The following KCNH1 variants were observed in gnomAD, a reference collection of about 807,000 sequenced individuals.
The protein encoded by KCNH1 is voltage-gated delayed rectifier potassium channel KCNH1.
In KCNH1, 27 loss-of-function variants were observed where a neutral mutation model predicts 69.2. The observed-to-expected ratio is 0.39, with a 90% CI of 0.29 to 0.54. The LOEUF is 0.54. KCNH1 is among the 20% of genes least tolerant of loss of function. KCNH1 has a pLI of 0.68. For synonymous variants in KCNH1, 456 were observed against 487.7 expected (o/e 0.93, Z 0.86); for missense variants, 798 against 1,261.6 (o/e 0.63, Z 5.57).
intron 10 of KCNH1, among the ~76,000 whole-genome samples, chr1:210,755,255 T>C (rs1020557412): frequency 4.7e-4 from 72 of 152,310 alleles, no homozygotes; most frequent in East Asian, 1.9e-4. Context: ...CTGCTTAAAA[T>C]GATTACTTAT....
chr1:211,089,023 G>A lies in KCNH1; in HGVS notation c.439+1539C>T, dbSNP rs549953011. 3.3e-5 allele frequency among the ~76,000 whole-genome samples: 5 copies of A among 152,216 alleles called. No homozygotes were observed. In the South Asian group the frequency reaches 1.0e-3, roughly 32 times the overall value. On this transcript the variant is annotated intron_variant, in intron 4 of 10. Coordinates refer to ENST00000271751, the MANE Select transcript of KCNH1 (RefSeq NM_172362.3). Reference sequence around the variant, plus strand: ...ATGCCAGGTACGGAGCATTCTGTTAGGTATGATTTTCCTACTAAATAATAC... The same window carrying A: ...ATGCCAGGTACGGAGCATTCTGTTAAGTATGATTTTCCTACTAAATAATAC...
chr1:210,836,387 A>G (rs1331540863), intron 7 of KCNH1, among the ~76,000 whole-genome samples: 2 of 152,194 alleles, frequency 1.3e-5, no homozygotes, highest in Non-Finnish European at 2.9e-5. Context: ...GAAAGTAATC[A>G]TTAAGCCTGC....
At chr1:211,045,851 G>A (rs531369696) in intron 5 of KCNH1, among the ~76,000 whole-genome samples, 1 of 152,080 alleles carries the variant, frequency 6.6e-6, no homozygotes, top group Admixed American at 6.6e-5. Context: ...TGCCCTCCCC[G>A]CAGTCCCTGG....
At chr1:210,968,914 T>C (rs1253121052) in intron 6 of KCNH1, among the ~76,000 whole-genome samples, 1 of 152,156 alleles carries the variant, frequency 6.6e-6, no homozygotes, top group Non-Finnish European at 1.5e-5. Context: ...TTTCAGAAGA[T>C]TTTTAGTAGA....
chr1:211,003,264 G>A (rs1689222598), intron 6 of KCNH1, among the ~76,000 whole-genome samples: 1 of 152,148 alleles, frequency 6.6e-6, no homozygotes, highest in South Asian at 2.1e-4. Context: ...CACCAATGAG[G>A]AGAACTAAAA....
chr1:210,877,176 T>C (rs1344267922), intron 7 of KCNH1, among the ~76,000 whole-genome samples: 1 of 152,148 alleles, frequency 6.6e-6, no homozygotes, highest in African/African-American at 2.4e-5. Flanking sequence ...GGAAAACTAC[T>C]TTCTAGAAAT....
At chr1:210,858,362 T>A (rs1558499881) in intron 7 of KCNH1, 1 of 152,218 alleles carries the variant, frequency 6.6e-6, no homozygotes, top group Non-Finnish European at 1.5e-5. Flanking sequence ...TAACCCATTT[T>A]TACATACTGA....
intron 5 of KCNH1, among the ~76,000 whole-genome samples, chr1:211,066,655 A>G (rs1026305641): frequency 1.3e-5 from 2 of 152,196 alleles, no homozygotes; most frequent in Non-Finnish European, 2.9e-5. Flanking sequence ...CTATGAGTAC[A>G]TATTATCCTC....
chr1:210,767,368 T>A (rs957551384), intron 10 of KCNH1, among the ~76,000 whole-genome samples: 1 of 152,206 alleles, frequency 6.6e-6, no homozygotes, highest in African/African-American at 2.4e-5. Context: ...CAGTAATCTC[T>A]GTTTGGGATT....
At chr1:210,746,236 TG>T (rs528878508) in intron 10 of KCNH1, among the ~76,000 whole-genome samples, 164 of 152,324 alleles carry the variant, frequency 1.1e-3, no homozygotes, top group South Asian at 6.6e-3. Context: ...AGGCCCCAGA[TG>T]CACTTTATAC....
chr1:211,105,114 A>T (rs1468318328), intron 2 of KCNH1, among the ~76,000 whole-genome samples: 1 of 152,042 alleles, frequency 6.6e-6, no homozygotes, highest in Non-Finnish European at 1.5e-5. Context: ...GTCCTTACGC[A>T]CTCATGTAGT....
intron 5 of KCNH1, among the ~76,000 whole-genome samples, chr1:211,046,314 C>A (rs1424678558): frequency 1.3e-5 from 2 of 152,104 alleles, no homozygotes; most frequent in African/African-American, 4.8e-5. Flanking sequence ...ATGTTATGTT[C>A]TAGGTTCATA....
chr1:211,072,041 G>A (rs760302138), intron 5 of KCNH1, among the ~76,000 whole-genome samples: 84 of 152,156 alleles, frequency 5.5e-4, no homozygotes, highest in Non-Finnish European at 1.0e-3. Context: ...TTTGGGAGGC[G>A]GAGGTGGGAG....
At chr1:211,071,920 G>A (rs1690651312) in intron 5 of KCNH1, among the ~76,000 whole-genome samples, 1 of 152,084 alleles carries the variant, frequency 6.6e-6, no homozygotes, top group African/African-American at 2.4e-5. Context: ...TATTTAAAGA[G>A]TTGGGAGGAA....
At chr1:210,988,210 T>A (rs1209087431) in intron 6 of KCNH1, among the ~76,000 whole-genome samples, 3 of 152,162 alleles carry the variant, frequency 2.0e-5, no homozygotes, top group Non-Finnish European at 4.4e-5. Flanking sequence ...GAAAGGGAAT[T>A]CCCTGACCCC....
intron 7 of KCNH1, among the ~76,000 whole-genome samples, chr1:210,853,176 C>G (rs1376005429): frequency 6.6e-6 from 1 of 152,122 alleles, no homozygotes; most frequent in Admixed American, 6.5e-5. Context: ...ACTTACTGGC[C>G]ACGTAAACTT....
chr1:210,901,028 A>G (rs1686984441), intron 7 of KCNH1, among the ~76,000 whole-genome samples: 1 of 152,096 alleles, frequency 6.6e-6, no homozygotes, highest in African/African-American at 2.4e-5. Flanking sequence ...CTACATGCCA[A>G]CGGCTTCTAG....
At chr1:210,909,877 C>A (rs1687192457) in intron 7 of KCNH1, among the ~76,000 whole-genome samples, 2 of 152,228 alleles carry the variant, frequency 1.3e-5, no homozygotes, top group Admixed American at 1.3e-4. Context: ...CATCTTCTGT[C>A]TAAACAAACT....
At chr1:210,809,731 A>C (rs1684659872) in intron 7 of KCNH1, among the ~76,000 whole-genome samples, 1 of 152,200 alleles carries the variant, frequency 6.6e-6, no homozygotes, top group Admixed American at 6.5e-5. Flanking sequence ...TGTGAAAATC[A>C]CAAAAGGGAG....
Sources: allele counts gnomAD v4.1 joint callset (sites outside exome capture counted in the v4.1 genomes callset), GRCh38; gene constraint gnomAD v4.1.1; transcripts MANE v1.5; gene names NCBI Gene and HGNC (gene_info 2026-07-23, HGNC 2026-07-21).